TYW1: variants seen among roughly 807,000 people sequenced by gnomAD.
The protein encoded by TYW1 is tRNA-yW synthesizing protein 1 homolog, also known as S-adenosyl-L-methionine-dependent tRNA 4-demethylwyosine synthase TYW1.
A neutral mutation model predicts 96.2 loss-of-function variants in TYW1; 46 were observed. The ratio of observed to expected loss-of-function variants is 0.48; its 90% CI spans 0.38 to 0.61. The LOEUF (loss-of-function observed/expected upper bound fraction) is 0.61, where lower values mean the gene tolerates loss of function less well. Among genes scored for constraint, TYW1 ranks in the 20% least tolerant of loss-of-function variants. The pLI, the probability that TYW1 is intolerant of heterozygous loss-of-function variation, is 0.00. For missense variants in TYW1, 684 were observed against 909.6 expected, an observed-to-expected ratio of 0.75 and a Z score of 3.19; for synonymous variants, 274 against 323.0, an observed-to-expected ratio of 0.85 and a Z score of 1.63.
intron 10 of TYW1, among the ~76,000 whole-genome samples, chr7:67,070,722 A>AT (rs767511160): frequency 2.0e-5 from 3 of 152,030 alleles, no homozygotes; most frequent in Non-Finnish European, 4.4e-5. Context: ...GGCTTAAAGT[A>AT]TTTTTTTAGT....
intron 14 of TYW1, among the ~76,000 whole-genome samples, chr7:67,191,323 A>G (rs1344032971): frequency 6.6e-6 from 1 of 152,184 alleles, no homozygotes; most frequent in Non-Finnish European, 1.5e-5. Context: ...CAAAAGCCAC[A>G]GGTTATAAAA....
intron 7 of TYW1, 30 bp downstream of exon 7, chr7:67,025,052 G>C: frequency 6.2e-7 from 1 of 1,612,848 alleles, no homozygotes; most frequent in Non-Finnish European, 8.5e-7. Context: ...TGTTGCACTT[G>C]GCTCCCGCAG....
At chr7:67,175,357 G>A (rs1799639631) in intron 13 of TYW1, among the ~76,000 whole-genome samples, 1 of 152,072 alleles carries the variant, frequency 6.6e-6, no homozygotes, top group Non-Finnish European at 1.5e-5. Context: ...TTTTAGTAGA[G>A]ATGGGGTTTC....
intron 15 of TYW1, among the ~76,000 whole-genome samples, chr7:67,232,218 G>T (rs11768675): frequency 0.27 from 40,487 of 150,932 alleles, 5,760 homozygotes; most frequent in African/African-American, 0.36. Context: ...GTGACAGAGT[G>T]TCTGCGCCCA....
At chr7:67,236,694 T>G (rs546125185) in intron 15 of TYW1, among the ~76,000 whole-genome samples, 1 of 152,334 alleles carries the variant, frequency 6.6e-6, no homozygotes, top group East Asian at 1.9e-4. Context: ...TTCTAATTCA[T>G]AGAGTAATTA....
chr7:67,108,377 A>C (rs1319189707), intron 12 of TYW1, among the ~76,000 whole-genome samples: 1 of 152,174 alleles, frequency 6.6e-6, no homozygotes, highest in African/African-American at 2.4e-5. Context: ...CAATGGAATT[A>C]ACAAATTTAA....
At chr7:67,076,905 A>C (rs1192768073) in intron 10 of TYW1, among the ~76,000 whole-genome samples, 2 of 151,218 alleles carry the variant, frequency 1.3e-5, no homozygotes, top group African/African-American at 4.9e-5. Context: ...CTCCTGACTA[A>C]CTGGGATTAC....
At position 67,180,425 on chromosome 7, in the gene TYW1, AT is replaced by A. The variant is rs1475491036; in HGVS notation, c.1699-2691del. Among the ~76,000 whole-genome samples, 8 of 68,618 alleles carry A rather than the reference AT, an allele frequency of 1.2e-4. 1 individual carries two copies. The highest frequency in any genetic ancestry group is 1.5e-4 in the Non-Finnish European group (5 of 34,016). 45.0% of individuals were successfully genotyped at this position (68,618 alleles called of 152,430 possible). A position where few individuals can be genotyped will look rare whatever the true frequency, so the allele number is the denominator to read the frequency against. On this transcript the variant is annotated intron_variant, in intron 13 of 15. Coordinates refer to ENST00000359626, the MANE Select transcript of TYW1 (RefSeq NM_018264.4). ...ATATATTTATATATATATATATATAATTTTTTTTTTGGTAACTGGCCTAATC... is the reference window on the plus strand; with the variant it reads ...ATATATTTATATATATATATATATAATTTTTTTTTGGTAACTGGCCTAATC...
intron 15 of TYW1, among the ~76,000 whole-genome samples, chr7:67,210,780 A>ATCCG (rs1290138600): frequency 6.6e-6 from 1 of 150,646 alleles, no homozygotes; most frequent in African/African-American, 2.5e-5. Flanking sequence ...CCATCCATCC[A>ATCCG]TCCGTCCATC....
Position 67,153,925 on chromosome 7 carries a change from C to CTTTTTTTT in TYW1, c.1699-29188_1699-29181dup, listed in dbSNP as rs34003922. Reference sequence around the variant, plus strand: ...ATATGTCATTCATTTTAACGACTTTCTTTTTTTTTTTTTTTTTTTTGAGAC... The same window carrying CTTTTTTTT: ...ATATGTCATTCATTTTAACGACTTTCTTTTTTTTTTTTTTTTTTTTTTTTTTTTGAGAC... On this transcript the variant is annotated intron_variant, in intron 13 of 15. Transcript: ENST00000359626. 6.9e-5 allele frequency among the ~76,000 whole-genome samples: 9 copies of CTTTTTTTT among 130,316 alleles called. 2 individuals carry two copies. Among genetic ancestry groups the CTTTTTTTT allele is most frequent in the African/African-American group, 5.5e-5 (2 of 36,180 alleles). 85.5% of individuals were successfully genotyped at this position (130,316 alleles called of 152,430 possible).
At chr7:67,108,591 G>A (rs1274140599) in intron 12 of TYW1, among the ~76,000 whole-genome samples, 1 of 151,570 alleles carries the variant, frequency 6.6e-6, no homozygotes, top group African/African-American at 2.4e-5. Flanking sequence ...ACCGGTGCGC[G>A]CCACCACACC....
At chr7:67,057,442 T>G (rs1795557567) in intron 9 of TYW1, among the ~76,000 whole-genome samples, 1 of 151,904 alleles carries the variant, frequency 6.6e-6, no homozygotes, top group Non-Finnish European at 1.5e-5. Context: ...CAATCTTGTA[T>G]CACTGCACCT....
chr7:67,147,387 A>G (rs1798641697), intron 13 of TYW1, among the ~76,000 whole-genome samples: 2 of 152,006 alleles, frequency 1.3e-5, no homozygotes, highest in Non-Finnish European at 2.9e-5. Context: ...CACAGATCAT[A>G]TATTGCTGTG....
chr7:67,127,004 CTCTTT>C (rs1246013216), intron 13 of TYW1, among the ~76,000 whole-genome samples: 1 of 151,916 alleles, frequency 6.6e-6, no homozygotes, highest in East Asian at 1.9e-4. Flanking sequence ...TCCATTTTCT[CTCTTT>C]TCTTAGCATA....
At chr7:67,076,354 T>C (rs571185545) in intron 10 of TYW1, among the ~76,000 whole-genome samples, 38 of 152,314 alleles carry the variant, frequency 2.5e-4, no homozygotes, top group African/African-American at 8.7e-4. Flanking sequence ...GAAAATTAAA[T>C]TTATGTTCAG....
intron 12 of TYW1, among the ~76,000 whole-genome samples, chr7:67,099,655 A>G (rs748894075): frequency 6.6e-6 from 1 of 152,214 alleles, no homozygotes; most frequent in Non-Finnish European, 1.5e-5. Flanking sequence ...ATGTTTGCTT[A>G]GGTCAGAGTT....
At chr7:67,138,819 A>G (rs182691407) in intron 13 of TYW1, among the ~76,000 whole-genome samples, 113 of 151,974 alleles carry the variant, frequency 7.4e-4, no homozygotes, top group African/African-American at 2.6e-3. Flanking sequence ...TTCTTTTTTT[A>G]TGGGTGAATA....
At chr7:67,073,075 T>C (rs1011847022) in intron 10 of TYW1, among the ~76,000 whole-genome samples, 1 of 149,694 alleles carries the variant, frequency 6.7e-6, no homozygotes, top group Non-Finnish European at 1.5e-5. Context: ...TGGGCTACCA[T>C]ACCATATTCT....
rs1794907695 is a variant in TYW1 at position 67,038,496 on chromosome 7, C to T, written c.985-11453C>T. 2.0e-5 allele frequency among the ~76,000 whole-genome samples: 3 copies of T among 151,878 alleles called. 1 individual carries two copies. The highest frequency in any genetic ancestry group is 4.2e-4 in the South Asian group (2 of 4,818). The stretch of plus-strand genomic sequence containing the variant: ...TGGCTGGTACCTGTGGTCCCAGCTA[C>T]TTGGGAGGCTGAGGTGGGAGGATTG... On this transcript the variant is annotated intron_variant, in intron 7 of 15. Coordinates refer to ENST00000359626, the MANE Select transcript of TYW1 (RefSeq NM_018264.4).
Sources: allele counts gnomAD v4.1 joint callset (sites outside exome capture counted in the v4.1 genomes callset), GRCh38; gene constraint gnomAD v4.1.1; transcripts MANE v1.5; gene names NCBI Gene and HGNC (gene_info 2026-07-23, HGNC 2026-07-21).